The following EFCAB13 variants were observed in gnomAD, a reference collection of about 807,000 sequenced individuals.
EFCAB13 encodes the protein EF-hand calcium binding domain 13.
In EFCAB13, 91 loss-of-function variants were observed where a neutral mutation model predicts 110.2. The ratio of observed to expected loss-of-function variants is 0.83; its 90% CI spans 0.70 to 0.98. The LOEUF (loss-of-function observed/expected upper bound fraction) is 0.98, where lower values mean the gene tolerates loss of function less well. Among genes scored for constraint, EFCAB13 ranks in the 50% least tolerant of loss-of-function variants. The pLI, the probability that EFCAB13 is intolerant of heterozygous loss-of-function variation, is 0.00. For synonymous variants in EFCAB13, 323 were observed against 369.9 expected, an observed-to-expected ratio of 0.87 and a Z score of 1.45; for missense variants, 968 against 1,119.4, an observed-to-expected ratio of 0.86 and a Z score of 1.93.
rs1371083174 is a variant in EFCAB13, at chr17:47,326,230, G to T, written c.-243G>T. ...AAGTTAATTTTTTCTTTTAAGTTTG[G>T]AGAGGCTTATGCGGTACCTGATTCA... On this transcript the variant is annotated 5_prime_UTR_variant, in exon 3 of 25. The change creates a premature stop within an existing upstream ORF in the 5' untranslated region. Coordinates refer to ENST00000331493, the MANE Select transcript of EFCAB13 (RefSeq NM_152347.5). 1.3e-5 allele frequency: 2 copies of T among 151,980 alleles called. No individual in the cohort carries two copies. Among genetic ancestry groups the T allele is most frequent in the African/African-American group, 4.8e-5 (2 of 41,384 alleles). The allele number at this position is 151,980 out of a possible 1,614,324, so 9.4% of individuals were successfully genotyped here. A position where few individuals can be genotyped will look rare whatever the true frequency, so the allele number is the denominator to read the frequency against.
intron 17 of EFCAB13, among the ~76,000 whole-genome samples, chr17:47,399,177 A>C (rs1287569321): frequency 6.6e-6 from 1 of 152,080 alleles, no homozygotes; most frequent in Non-Finnish European, 1.5e-5. Flanking sequence ...GGCCTCCCTA[A>C]GTGCTGGGAT....
rs190550988 is a variant in EFCAB13, at chr17:47,374,567, T to A, written c.973T>A (p.Leu325Met). 9.7e-5 allele frequency: 154 copies of A among 1,593,512 alleles called. No homozygotes were observed. Among genetic ancestry groups the A allele is most frequent in the Non-Finnish European group, 1.3e-4 (148 of 1,174,950 alleles). Residue 325 changes from leucine (L) to methionine (M), a missense_variant, in exon 12 of 25, where the codon TTG (leucine) becomes ATG (methionine). Physicochemically the swap from Leu to Met is conservative, Grantham distance 15. Transcript: ENST00000331493. Reference protein sequence around the residue: ...CYLKYKKKNSLSSKLPEPSIS... With the variant: ...CYLKYKKKNSMSSKLPEPSIS... Reference sequence around the variant, plus strand: ...TCTAAAATATAAGAAGAAAAATAGTTTGTCTTCCAAACTCCCTGAACCTTC... The same window carrying A: ...TCTAAAATATAAGAAGAAAAATAGTATGTCTTCCAAACTCCCTGAACCTTC...
intron 4 of EFCAB13, among the ~76,000 whole-genome samples, chr17:47,333,306 G>A (rs1464968695): frequency 6.6e-6 from 1 of 152,118 alleles, no homozygotes; most frequent in Admixed American, 6.6e-5. Context: ...TGCTTGAGTT[G>A]AGTTCCTTAT....
chr17:47,395,470 G>A (rs2065732071), intron 16 of EFCAB13, among the ~76,000 whole-genome samples: 1 of 152,156 alleles, frequency 6.6e-6, no homozygotes, highest in Non-Finnish European at 1.5e-5. Context: ...GGAAGTAGGA[G>A]CCAGAGGAGA....
At chr17:47,390,904 G>GTGTC (rs1383889952) in intron 14 of EFCAB13, among the ~76,000 whole-genome samples, 22 of 118,892 alleles carry the variant, frequency 1.9e-4, no homozygotes, top group African/African-American at 3.3e-4. Flanking sequence ...ATGTGTATGT[G>GTGTC]TGTCTGTCTG....
intron 14 of EFCAB13, among the ~76,000 whole-genome samples, chr17:47,380,660 C>G (rs868052191): frequency 6.6e-6 from 1 of 152,178 alleles, no homozygotes; most frequent in Admixed American, 6.5e-5. Flanking sequence ...CGCCACACTT[C>G]TTCCACAATG....
rs145527499 is a variant in EFCAB13 at position 47,335,209 on chromosome 17, T to C, written c.44T>C (p.Ile15Thr). The change falls in exon 5 of 25, where the codon ATT becomes ACT. Residue 15 changes from isoleucine (I) to threonine (T), a missense_variant. Physicochemically the swap from Ile to Thr is moderately conservative, Grantham distance 89. Coordinates refer to ENST00000331493, the MANE Select transcript of EFCAB13 (RefSeq NM_152347.5). The part of the protein sequence containing the change: ...VHLFCQAEEN[I>T]DLLDDGSNSF... ...TATATTCCCCAGGCAGAGGAAAATATTGACTTATTAGATGATGGCTCTAAT... is the reference window on the plus strand; with the variant it reads ...TATATTCCCCAGGCAGAGGAAAATACTGACTTATTAGATGATGGCTCTAAT... 3.7e-6 allele frequency: 6 copies of C among 1,601,972 alleles called. No homozygotes were observed. The African/African-American group carries it at 4.0e-5, about 11-fold the overall frequency.
chr17:47,375,164 C>T (rs1475711529), intron 12 of EFCAB13, among the ~76,000 whole-genome samples, 198 bp downstream of exon 12: 1 of 152,132 alleles, frequency 6.6e-6, no homozygotes, highest in East Asian at 1.9e-4. Context: ...AGCAATCCTC[C>T]TGCATTGGCC....
At chr17:47,397,485 G>A (rs1327507874) in intron 17 of EFCAB13, among the ~76,000 whole-genome samples, 1 of 150,030 alleles carries the variant, frequency 6.7e-6, no homozygotes, top group African/African-American at 2.5e-5. Flanking sequence ...CGTCTGGGAC[G>A]TGAGGAGCCC....
intron 9 of EFCAB13, among the ~76,000 whole-genome samples, chr17:47,355,817 T>C (rs2065477771): frequency 6.6e-6 from 1 of 152,004 alleles, no homozygotes; most frequent in Admixed American, 6.6e-5. Flanking sequence ...ATGATCCGCC[T>C]GCCTTGGCCT....
chr17:47,374,873 A>G lies in EFCAB13; in HGVS notation c.1279A>G (p.Ser427Gly), dbSNP rs1284118776. The change falls in exon 12 of 25, where the codon AGT becomes GGT. Residue 427 changes from serine (S) to glycine (G), a missense_variant. Transcript: ENST00000331493. ...SKSLDKSDIS[S>G]IPKLQKPAVR... The stretch of plus-strand genomic sequence containing the variant: ...GTCTCTGGATAAAAGTGATATTTCT[A>G]GTATCCCAAAACTTCAGAAGCCAGC... The G allele has an allele frequency of 6.2e-7, 1 of 1,612,790 alleles. No homozygotes were observed. The highest frequency in any genetic ancestry group is 8.5e-7 in the Non-Finnish European group (1 of 1,179,720).
chr17:47,360,074 C>T (rs1391095514), intron 9 of EFCAB13, among the ~76,000 whole-genome samples: 2 of 151,866 alleles, frequency 1.3e-5, no homozygotes, highest in South Asian at 2.1e-4. Flanking sequence ...TGAATAGTGC[C>T]GCAATAAACA....
At chr17:47,417,198 C>T (rs904109506) in intron 23 of EFCAB13, among the ~76,000 whole-genome samples, 1 of 152,202 alleles carries the variant, frequency 6.6e-6, no homozygotes, top group Non-Finnish European at 1.5e-5. Flanking sequence ...TCATCATCCT[C>T]ATCCTCACCA....
intron 23 of EFCAB13, among the ~76,000 whole-genome samples, chr17:47,427,667 G>C (rs748305449): frequency 2.6e-5 from 4 of 151,942 alleles, no homozygotes; most frequent in Non-Finnish European, 5.9e-5. Flanking sequence ...CACAGGTTTT[G>C]GTTAAATCAG....
At chr17:47,408,488 T>TA (rs1487865363) in intron 20 of EFCAB13, among the ~76,000 whole-genome samples, 1 of 151,866 alleles carries the variant, frequency 6.6e-6, no homozygotes, top group Non-Finnish European at 1.5e-5. Context: ...CCGTCTCTAC[T>TA]AAAAAAATAC....
intron 23 of EFCAB13, among the ~76,000 whole-genome samples, chr17:47,418,155 G>GT (rs1567804689): frequency 6.6e-6 from 1 of 152,188 alleles, no homozygotes; most frequent in Admixed American, 6.5e-5. Context: ...GGCAGCAGGA[G>GT]TTTATCTTTT....
At chr17:47,406,685 C>T (rs1354955233) in intron 20 of EFCAB13, among the ~76,000 whole-genome samples, 1 of 152,146 alleles carries the variant, frequency 6.6e-6, no homozygotes, top group Non-Finnish European at 1.5e-5. Flanking sequence ...TAATTTTCGA[C>T]AGCTATAGAA....
intron 14 of EFCAB13, among the ~76,000 whole-genome samples, 174 bp downstream of exon 14, chr17:47,379,427 C>A (rs1277893049): frequency 6.6e-6 from 1 of 152,144 alleles, no homozygotes; most frequent in Non-Finnish European, 1.5e-5. Context: ...TAATAGCTAA[C>A]TTGTTTACCT....
chr17:47,327,982 C>T (rs988966883), intron 3 of EFCAB13: 4 of 382,186 alleles, frequency 1.0e-5, no homozygotes, highest in Non-Finnish European at 1.9e-5. Context: ...TTCTGCTTCT[C>T]AGGGTTTATT....
Sources: gnomAD v4.1 joint callset for allele counts (sites outside exome capture counted in the v4.1 genomes callset) on GRCh38, gnomAD v4.1.1 for gene constraint, MANE v1.5 for transcripts, NCBI Gene and HGNC (gene_info 2026-07-23, HGNC 2026-07-21) for gene names.